The following MICU1 variants were observed in gnomAD, a reference collection of about 807,000 sequenced individuals.
The protein encoded by MICU1 is calcium uptake protein 1, mitochondrial.
A neutral mutation model predicts 56.8 loss-of-function variants in MICU1; 45 were observed. The observed-to-expected ratio is 0.79, with a 90% CI of 0.62 to 1.02. MICU1 has a LOEUF of 1.02. Among genes scored for constraint, MICU1 ranks in the 50% least tolerant of loss-of-function variants. MICU1 has a pLI of 0.00. For missense variants in MICU1, 504 were observed against 587.1 expected, an observed-to-expected ratio of 0.86 and a Z score of 1.46; for synonymous variants, 186 against 195.1, an observed-to-expected ratio of 0.95 and a Z score of 0.39.
intron 4 of MICU1, among the ~76,000 whole-genome samples, chr10:72,539,275 G>A (rs541134358): frequency 6.6e-6 from 1 of 152,208 alleles, no homozygotes. Context: ...CCATCCAACT[G>A]CTACAGAATA....
chr10:72,612,592 T>G (rs1841879910), intron 1 of MICU1, among the ~76,000 whole-genome samples: 1 of 152,084 alleles, frequency 6.6e-6, no homozygotes, highest in African/African-American at 2.4e-5. Flanking sequence ...AGGCCAGAAG[T>G]TCCTAACCAC....
chr10:72,399,226 A>G (rs1863367470), intron 10 of MICU1, among the ~76,000 whole-genome samples: 1 of 148,316 alleles, frequency 6.7e-6, no homozygotes, highest in African/African-American at 2.5e-5. Context: ...AAAACCAAAC[A>G]CCGCATGTTC....
chr10:72,558,162 C>T (rs944204488), intron 3 of MICU1, among the ~76,000 whole-genome samples: 1 of 149,426 alleles, frequency 6.7e-6, no homozygotes, highest in Non-Finnish European at 1.5e-5. Context: ...ATTCAAAGAG[C>T]AATTTTATAT....
At chr10:72,439,770 C>G (rs1864857266) in intron 8 of MICU1, among the ~76,000 whole-genome samples, 1 of 151,986 alleles carries the variant, frequency 6.6e-6, no homozygotes. Flanking sequence ...GACAGAGAGC[C>G]AAATCATGAG....
chr10:72,449,656 G>GT (rs112409079), intron 8 of MICU1, among the ~76,000 whole-genome samples: 6,768 of 151,268 alleles, frequency 0.045, 413 homozygotes, highest in East Asian at 0.19. Flanking sequence ...GTTTTCTTTA[G>GT]TTTTTTTTTA....
intron 1 of MICU1, among the ~76,000 whole-genome samples, chr10:72,576,225 CAAAAAAAAAAA>C (rs34829939): frequency 1.5e-5 from 1 of 68,212 alleles, no homozygotes; most frequent in South Asian, 6.3e-4. Context: ...AAAAAAACAC[CAAAAAAAAAAA>C]AAAAAAAAAA....
At chr10:72,439,122 G>T (rs1027670478) in intron 8 of MICU1, among the ~76,000 whole-genome samples, 1 of 151,988 alleles carries the variant, frequency 6.6e-6, no homozygotes, top group Non-Finnish European at 1.5e-5. Context: ...GACCAATATC[G>T]CTGATGAACA....
chr10:72,577,905 T>C (rs1454830490), intron 1 of MICU1, among the ~76,000 whole-genome samples: 3 of 152,178 alleles, frequency 2.0e-5, no homozygotes, highest in Admixed American at 2.0e-4. Context: ...GTGAAGATGC[T>C]GTGAACATTG....
chr10:72,379,224 T>G (rs765458056), intron 10 of MICU1, among the ~76,000 whole-genome samples: 3 of 152,178 alleles, frequency 2.0e-5, no homozygotes, highest in African/African-American at 4.8e-5. Flanking sequence ...TCATTATACT[T>G]CTCAGTAGGA....
At chr10:72,403,435 T>C (rs539645472) in intron 10 of MICU1, among the ~76,000 whole-genome samples, 189 of 152,240 alleles carry the variant, frequency 1.2e-3, no homozygotes, top group African/African-American at 4.4e-3. Flanking sequence ...CAGGCTGGCT[T>C]TGAACTCCTG....
chr10:72,509,110 G>T lies in MICU1; in HGVS notation c.538-841C>A, dbSNP rs7916955. 0.093 allele frequency among the ~76,000 whole-genome samples: 14,102 copies of T among 152,124 alleles called. 2,171 individuals carry two copies. The highest frequency in any genetic ancestry group is 0.32 in the African/African-American group (13,163 of 41,438). ...TCTTAGCCAAAGCATAAACTTAGTT[G>T]TGACATTGAATATATTTTCAAAAAC... On this transcript the variant is annotated intron_variant, in intron 5 of 11. Coordinates refer to ENST00000361114, the MANE Select transcript of MICU1 (RefSeq NM_001195518.2).
intron 6 of MICU1, among the ~76,000 whole-genome samples, chr10:72,495,310 G>A (rs1213180738): frequency 6.6e-6 from 1 of 151,256 alleles, no homozygotes; most frequent in African/African-American, 2.4e-5. Flanking sequence ...CTCAATAATA[G>A]CCAAAGTGAC....
intron 8 of MICU1, among the ~76,000 whole-genome samples, chr10:72,426,384 T>C (rs1342431174): frequency 6.6e-6 from 1 of 151,586 alleles, no homozygotes; most frequent in Non-Finnish European, 1.5e-5. Flanking sequence ...GAAATGCTTA[T>C]TGGAGCATTC....
Position 72,563,073 on chromosome 10 carries a change from C to A in MICU1, c.162-10G>T. On this transcript the variant is annotated splice_polypyrimidine_tract_variant and intron_variant, in intron 2 of 11. Transcript: ENST00000361114. ...AGATTCTGCATGGGCCCTGGATATG[C>A]AAAAAAGAAATCTAGATTAATCTTG... 6.6e-7 allele frequency: 1 copy of A among 1,506,908 alleles called. No homozygotes were observed. Among genetic ancestry groups the A allele is most frequent in the Non-Finnish European group, 8.9e-7 (1 of 1,129,508 alleles). 93.3% of individuals were successfully genotyped at this position (1,506,908 alleles called of 1,614,324 possible).
At chr10:72,421,016 A>AAAAAT (rs1554865354) in intron 9 of MICU1, among the ~76,000 whole-genome samples, 59 of 124,102 alleles carry the variant, frequency 4.8e-4, no homozygotes, top group African/African-American at 8.4e-4. Flanking sequence ...AAAAAAAAAA[A>AAAAAT]AATAATAATA....
At chr10:72,572,055 A>G (rs191625319) in intron 1 of MICU1, among the ~76,000 whole-genome samples, 56 of 152,168 alleles carry the variant, frequency 3.7e-4, no homozygotes, top group Admixed American at 1.8e-3. Context: ...CAGAAATCCA[A>G]TGATCCAAGA....
chr10:72,525,523 T>C (rs1463319250), intron 5 of MICU1, among the ~76,000 whole-genome samples: 2 of 152,216 alleles, frequency 1.3e-5, no homozygotes, highest in East Asian at 1.9e-4. Context: ...CTTTAGTTAA[T>C]GGACTCGGTA....
Position 72,612,382 on chromosome 10 carries a change from G to A in MICU1, c.-2+13628C>T, listed in dbSNP as rs75723330. Among the ~76,000 whole-genome samples, 1,311 of 152,202 alleles carry A rather than the reference G, an allele frequency of 8.6e-3. 19 individuals carry two copies. Among genetic ancestry groups the A allele is most frequent in the African/African-American group, 0.03 (1,229 of 41,542 alleles). On this transcript the variant is annotated intron_variant, in intron 1 of 11. Coordinates refer to ENST00000361114, the MANE Select transcript of MICU1 (RefSeq NM_001195518.2). ...CTGAGCCTAAAGAAAACATGCAGTCGAAAAGGAAGTTATTAATGACTTAGG... is the reference window on the plus strand; with the variant it reads ...CTGAGCCTAAAGAAAACATGCAGTCAAAAAGGAAGTTATTAATGACTTAGG...
At chr10:72,548,647 T>C (rs1321198121) in intron 4 of MICU1, among the ~76,000 whole-genome samples, 2 of 152,210 alleles carry the variant, frequency 1.3e-5, no homozygotes, top group African/African-American at 4.8e-5. Context: ...GTTGATTATA[T>C]TTTCTACTTT....
Sources: gnomAD v4.1 joint callset for allele counts (sites outside exome capture counted in the v4.1 genomes callset) on GRCh38, gnomAD v4.1.1 for gene constraint, MANE v1.5 for transcripts, NCBI Gene and HGNC (gene_info 2026-07-23, HGNC 2026-07-21) for gene names.